CEP162: variants seen among roughly 807,000 people sequenced by gnomAD.
CEP162 encodes the protein centrosomal protein 162.
Under a neutral mutation model 169.2 loss-of-function variants are expected in CEP162, and 141 were observed. The ratio of observed to expected loss-of-function variants is 0.83; its 90% confidence interval spans 0.73 to 0.96. The LOEUF (loss-of-function observed/expected upper bound fraction) is 0.96. Among genes scored for constraint, CEP162 ranks in the 40% least tolerant of loss-of-function variants. CEP162 has a pLI of 0.00. For missense variants in CEP162, 1,600 were observed against 1,587.2 expected (o/e 1.01, Z -0.14); for synonymous variants, 540 against 526.4 (o/e 1.03, Z -0.35).
intron 9 of CEP162, among the ~76,000 whole-genome samples, chr6:84,199,472 A>G (rs1322486167): frequency 6.6e-6 from 1 of 151,950 alleles, no homozygotes; most frequent in Non-Finnish European, 1.5e-5. Flanking sequence ...GGGTGTGCTC[A>G]GTATTTCAAA....
intron 25 of CEP162, among the ~76,000 whole-genome samples, chr6:84,141,188 C>G (rs2099516448): frequency 6.6e-6 from 1 of 151,878 alleles, no homozygotes; most frequent in African/African-American, 2.4e-5. Flanking sequence ...GTTGGGGACC[C>G]CTGGTCTAGA....
chr6:84,174,511 A>C (rs2099531535), intron 15 of CEP162, among the ~76,000 whole-genome samples: 1 of 152,174 alleles, frequency 6.6e-6, no homozygotes, highest in South Asian at 2.1e-4. Context: ...GAAAACCATA[A>C]AAATGAGCCA....
At chr6:84,208,847 G>C (rs1013652880) in intron 6 of CEP162, among the ~76,000 whole-genome samples, 4 of 152,136 alleles carry the variant, frequency 2.6e-5, no homozygotes, top group Non-Finnish European at 4.4e-5. Flanking sequence ...TTTGTATTAG[G>C]CACACTTCTA....
At position 84,186,378 on chromosome 6, in the gene CEP162, AT is replaced by A; in HGVS notation, c.1354del (p.Ile452Ter). 1 of 1,495,850 alleles carries A rather than the reference AT, an allele frequency of 6.7e-7. No homozygotes were observed. The highest frequency in any genetic ancestry group is 9.3e-7 in the Non-Finnish European group (1 of 1,073,086). 92.7% of individuals were successfully genotyped at this position (1,495,850 alleles called of 1,614,324 possible). A position where few individuals can be genotyped will look rare whatever the true frequency, so the allele number is the denominator to read the frequency against. Reference sequence around the variant, plus strand: ...AGATAATGATGAAGAATTAACAGTTATTTTTTTCCTCAAAATATTAAGGTAC... The same window carrying A: ...AGATAATGATGAAGAATTAACAGTTATTTTTTCCTCAAAATATTAAGGTAC... The part of the protein sequence containing the change: ...KMYLNILRKK[I>X]TVNSSSLSQD... On this transcript the variant is annotated frameshift_variant, in exon 12 of 27. Coordinates refer to ENST00000403245, the MANE Select transcript of CEP162 (RefSeq NM_014895.4). LOFTEE classifies it high-confidence loss of function.
At chr6:84,178,508 T>C (rs1192855757) in intron 13 of CEP162, among the ~76,000 whole-genome samples, 2 of 152,198 alleles carry the variant, frequency 1.3e-5, no homozygotes, top group Non-Finnish European at 2.9e-5. Context: ...ATAAATTTAT[T>C]CAACCATTGA....
chr6:84,195,387 C>T (rs1374133088), intron 9 of CEP162, among the ~76,000 whole-genome samples: 3 of 152,168 alleles, frequency 2.0e-5, no homozygotes, highest in Non-Finnish European at 2.9e-5. Flanking sequence ...ATTCCTTTGA[C>T]GGATTCTACC....
intron 24 of CEP162, among the ~76,000 whole-genome samples, chr6:84,149,238 T>A (rs143516087): frequency 5.3e-5 from 8 of 152,150 alleles, no homozygotes; most frequent in African/African-American, 1.7e-4. Flanking sequence ...ACTAGGGTCC[T>A]AATCATGTTA....
intron 7 of CEP162, among the ~76,000 whole-genome samples, chr6:84,202,404 T>C (rs913048761): frequency 3.9e-5 from 6 of 152,286 alleles, no homozygotes; most frequent in Non-Finnish European, 7.4e-5. Flanking sequence ...GACAGTGCTC[T>C]GAAGCTTCCA....
intron 25 of CEP162, among the ~76,000 whole-genome samples, chr6:84,144,602 A>G (rs1244936492): frequency 1.3e-5 from 2 of 152,054 alleles, no homozygotes; most frequent in Non-Finnish European, 2.9e-5. Context: ...CAGGCTTCTG[A>G]TAACTTCAAG....
intron 13 of CEP162, among the ~76,000 whole-genome samples, chr6:84,180,068 T>G (rs1469418013): frequency 1.3e-5 from 2 of 152,124 alleles, no homozygotes; most frequent in African/African-American, 4.8e-5. Flanking sequence ...CCAATGCCCC[T>G]GATGAACATT....
chr6:84,212,886 C>T (rs2099550066), intron 6 of CEP162, 71 bp downstream of exon 6: 1 of 944,522 alleles, frequency 1.1e-6, no homozygotes, highest in Non-Finnish European at 1.6e-6. Flanking sequence ...AATTATTTTT[C>T]TTATTAATGT....
At chr6:84,193,801 C>G (rs2127723777) in intron 10 of CEP162, 111 bp from the exon 11 acceptor site, 1 of 567,986 alleles carries the variant, frequency 1.8e-6, no homozygotes, top group Middle Eastern at 3.6e-4. Context: ...TAAAACGGTA[C>G]ATGCAATAAA....
At position 84,194,865 on chromosome 6, in the gene CEP162, T is replaced by C. The variant is rs1475297121; in HGVS notation, c.1027+19A>G. 1.3e-6 allele frequency: 2 copies of C among 1,526,068 alleles called. No individual in the cohort carries two copies. Among genetic ancestry groups the C allele is most frequent in the Admixed American group, 1.9e-5 (1 of 53,516 alleles). The allele number at this position is 1,526,068 out of a possible 1,614,324, so 94.5% of individuals were successfully genotyped here. On this transcript the variant is annotated intron_variant, in intron 10 of 26. Transcript: ENST00000403245. The stretch of plus-strand genomic sequence containing the variant: ...GAAAGGATATCAAATAATTGAAAAA[T>C]TCATCTGTAAGTTTTTACCAGATTC...
chr6:84,163,357 C>A (rs2099526512), intron 18 of CEP162, 87 bp from the exon 19 acceptor site: 1 of 953,556 alleles, frequency 1.0e-6, no homozygotes, highest in Non-Finnish European at 1.6e-6. Flanking sequence ...ATCATGAACA[C>A]TACGGCAAAA....
chr6:84,172,114 GA>G (rs140102120), intron 16 of CEP162, among the ~76,000 whole-genome samples: 9,215 of 149,824 alleles, frequency 0.062, 910 homozygotes, highest in African/African-American at 0.21. Context: ...CAAGAGAGGG[GA>G]AAAAAAAAAT....
chr6:84,170,937 C>T (rs766022525), intron 17 of CEP162, among the ~76,000 whole-genome samples: 2 of 152,144 alleles, frequency 1.3e-5, no homozygotes, highest in African/African-American at 2.4e-5. Flanking sequence ...GCCCCTGACC[C>T]GGCATAAAGG....
At chr6:84,221,935 T>C (rs1287239218) in intron 2 of CEP162, among the ~76,000 whole-genome samples, 1 of 151,862 alleles carries the variant, frequency 6.6e-6, no homozygotes, top group Non-Finnish European at 1.5e-5. Flanking sequence ...CACTCCCTTC[T>C]CTCTCTACTC....
chr6:84,198,918 T>C (rs372006123), intron 9 of CEP162, among the ~76,000 whole-genome samples: 17 of 152,318 alleles, frequency 1.1e-4, no homozygotes, highest in East Asian at 5.8e-4. Context: ...CTAATCTGCA[T>C]AATACACAAA....
chr6:84,160,979 G>A, intron 20 of CEP162, 63 bp from the exon 21 acceptor site: 1 of 1,154,332 alleles, frequency 8.7e-7, no homozygotes, highest in Non-Finnish European at 1.3e-6. Flanking sequence ...GCTCCAAGGG[G>A]AAAGCATAAT....
Sources: allele counts gnomAD v4.1 joint callset (sites outside exome capture counted in the v4.1 genomes callset), GRCh38; gene constraint gnomAD v4.1.1; transcripts MANE v1.5; gene names NCBI Gene and HGNC (gene_info 2026-07-23, HGNC 2026-07-21).